Variants in CACNG4 observed in about 807,000 individuals in gnomAD.
CACNG4 encodes calcium voltage-gated channel auxiliary subunit gamma 4.
In CACNG4, 8 loss-of-function variants were observed where a neutral mutation model predicts 22.9. The ratio of observed to expected loss-of-function variants is 0.35; its 90% CI spans 0.21 to 0.63. The LOEUF (loss-of-function observed/expected upper bound fraction) is 0.63, where lower values mean the gene tolerates loss of function less well. Ranked by LOEUF, CACNG4 falls within the 30% of genes least tolerant of loss-of-function variation. CACNG4 has a pLI of 0.72. For synonymous variants in CACNG4, 188 were observed against 191.9 expected (o/e 0.98, Z 0.17); for missense variants, 357 against 455.4 (o/e 0.78, Z 1.97).
At chr17:67,028,988 A>G (rs976317615) in intron 3 of CACNG4, among the ~76,000 whole-genome samples, 2 of 152,234 alleles carry the variant, frequency 1.3e-5, no homozygotes, top group Admixed American at 6.5e-5. Flanking sequence ...GCAATGTAAT[A>G]TCCTGAATCC....
chr17:67,006,272 G>A (rs1205076892), intron 1 of CACNG4, among the ~76,000 whole-genome samples: 5 of 152,178 alleles, frequency 3.3e-5, no homozygotes, highest in African/African-American at 4.8e-5. Flanking sequence ...GCCAGGCTGG[G>A]GACAGAATGA....
chr17:67,025,030 C>T, intron 3 of CACNG4, 30 bp downstream of exon 3: 1 of 1,556,324 alleles, frequency 6.4e-7, no homozygotes, highest in Non-Finnish European at 8.7e-7. Context: ...TGGTGCTGGG[C>T]CGGGAGCTGG....
In CACNG4 at chr17:66,965,183, CACATAT is replaced by C. The variant is rs774976866; in HGVS notation, c.220+56_220+61del. 1.2e-4 allele frequency: 121 copies of C among 1,049,408 alleles called. No individual in the cohort carries two copies. In the Middle Eastern group the frequency reaches 1.8e-3, roughly 16 times the overall value. 65.0% of individuals were successfully genotyped at this position (1,049,408 alleles called of 1,614,324 possible). On this transcript the variant is annotated intron_variant, in intron 1 of 3. Transcript: ENST00000262138. Reference sequence around the variant, plus strand: ...CCCCACACACACACACACACACACACACATATACACACGCGCGCGCGCGCGCGCGCA... The same window carrying C: ...CCCCACACACACACACACACACACACACACACGCGCGCGCGCGCGCGCGCA...
chr17:67,018,821 G>T (rs77448742), intron 2 of CACNG4, among the ~76,000 whole-genome samples: 5,259 of 152,144 alleles, frequency 0.035, 301 homozygotes, highest in African/African-American at 0.12. Context: ...CTGATATATG[G>T]TCCTGAAGTC....
chr17:67,025,783 C>T lies in CACNG4; in HGVS notation c.445+783C>T, dbSNP rs184151964. Among the ~76,000 whole-genome samples, 402 of 152,348 alleles carry T rather than the reference C, an allele frequency of 2.6e-3. 1 individual carries two copies. The highest frequency in any genetic ancestry group is 4.7e-3 in the Non-Finnish European group (317 of 68,022). ...ACCCTTGTCCTGTCCTGCATTCCCT[C>T]GCCCTTTCTCCTGGAGAGGGTAGAT... On this transcript the variant is annotated intron_variant, in intron 3 of 3. Coordinates refer to ENST00000262138, the MANE Select transcript of CACNG4 (RefSeq NM_014405.4).
At position 67,032,425 on chromosome 17, in the gene CACNG4, A is replaced by T. The variant is rs1779624407; in HGVS notation, c.*1421A>T. ...GTTTCTTATTTTTTGAGACTCCTTG[A>T]TCCACCCTGGAACAGTCGCCTGTAG... On this transcript the variant is annotated 3_prime_UTR_variant, in exon 4 of 4. Transcript: ENST00000262138. The T allele has an allele frequency of 9.6e-6, 2 of 209,310 alleles. No individual in the cohort carries two copies. The highest frequency in any genetic ancestry group is 9.7e-6 in the Non-Finnish European group (1 of 103,212). The allele number at this position is 209,310 out of a possible 1,614,324, so 13.0% of individuals were successfully genotyped here.
At chr17:67,014,104 G>A (rs2035483196) in intron 1 of CACNG4, among the ~76,000 whole-genome samples, 1 of 152,134 alleles carries the variant, frequency 6.6e-6, no homozygotes, top group Non-Finnish European at 1.5e-5. Context: ...GTGTCTCTGG[G>A]AGCACAGCCC....
chr17:67,021,024 C>T (rs2035528305), intron 2 of CACNG4, among the ~76,000 whole-genome samples: 1 of 152,124 alleles, frequency 6.6e-6, no homozygotes, highest in South Asian at 2.1e-4. Flanking sequence ...CATAGTGAGA[C>T]CTCATCTTTA....
intron 1 of CACNG4, among the ~76,000 whole-genome samples, chr17:66,971,180 C>A (rs2143272159): frequency 6.6e-6 from 1 of 152,058 alleles, no homozygotes; most frequent in East Asian, 1.9e-4. Flanking sequence ...CTGCCCATAG[C>A]TTCCACGCTG....
At chr17:67,007,730 G>A (rs1411969515) in intron 1 of CACNG4, among the ~76,000 whole-genome samples, 1 of 152,164 alleles carries the variant, frequency 6.6e-6, no homozygotes, top group African/African-American at 2.4e-5. Context: ...TTGTATTATT[G>A]ATTATTGCTC....
chr17:66,965,720 G>A (rs2143263013), intron 1 of CACNG4, among the ~76,000 whole-genome samples: 1 of 150,196 alleles, frequency 6.7e-6, no homozygotes, highest in East Asian at 2.0e-4. Flanking sequence ...AGGGGCAGAA[G>A]TAGGGGCGGG....
chr17:66,966,580 T>C (rs542234302), intron 1 of CACNG4, among the ~76,000 whole-genome samples: 1 of 152,314 alleles, frequency 6.6e-6, no homozygotes, highest in African/African-American at 2.4e-5. Context: ...AAGCTGGATC[T>C]GCTTAGTGAA....
chr17:66,981,935 A>T (rs935525527), intron 1 of CACNG4, among the ~76,000 whole-genome samples: 1 of 152,174 alleles, frequency 6.6e-6, no homozygotes, highest in African/African-American at 2.4e-5. Context: ...GCTAACTCTT[A>T]TAAAAAAAAA....
At chr17:67,014,137 C>T (rs1005178244) in intron 1 of CACNG4, among the ~76,000 whole-genome samples, 5 of 152,208 alleles carry the variant, frequency 3.3e-5, no homozygotes, top group Non-Finnish European at 5.9e-5. Flanking sequence ...CTCCACCTCG[C>T]GACCTCAGCA....
At chr17:66,983,953 G>A (rs1177837265) in intron 1 of CACNG4, among the ~76,000 whole-genome samples, 1 of 152,234 alleles carries the variant, frequency 6.6e-6, no homozygotes, top group African/African-American at 2.4e-5. Flanking sequence ...TTTGTGGGCT[G>A]TTGTCTGGGA....
chr17:66,989,060 C>CAA (rs35041834), intron 1 of CACNG4, among the ~76,000 whole-genome samples: 2,695 of 62,882 alleles, frequency 0.043, 231 homozygotes, highest in African/African-American at 0.13. Context: ...GACTCTGCCT[C>CAA]AAAAAAAAAA....
chr17:66,992,432 G>A (rs2035346682), intron 1 of CACNG4, among the ~76,000 whole-genome samples: 1 of 152,194 alleles, frequency 6.6e-6, no homozygotes, highest in Admixed American at 6.5e-5. Context: ...GTTCTCCCAG[G>A]CGCAGGGGAT....
intron 1 of CACNG4, among the ~76,000 whole-genome samples, chr17:67,010,485 G>T (rs1349597507): frequency 2.0e-5 from 3 of 152,080 alleles, no homozygotes; most frequent in Non-Finnish European, 2.9e-5. Context: ...AGTAACAAAG[G>T]GTGTTAGCCT....
chr17:67,013,824 C>G (rs1454232177), intron 1 of CACNG4, among the ~76,000 whole-genome samples: 1 of 151,796 alleles, frequency 6.6e-6, no homozygotes, highest in Non-Finnish European at 1.5e-5. Flanking sequence ...AAGAAATATT[C>G]TTTTAATGAA....
Sources: gnomAD v4.1 joint callset for allele counts (sites outside exome capture counted in the v4.1 genomes callset) on GRCh38, gnomAD v4.1.1 for gene constraint, MANE v1.5 for transcripts, NCBI Gene and HGNC (gene_info 2026-07-23, HGNC 2026-07-21) for gene names.